FARP2: variants seen among roughly 807,000 people sequenced by gnomAD.
FARP2 encodes FERM, ARH/RhoGEF and pleckstrin domain protein 2.
A neutral mutation model predicts 130.5 loss-of-function variants in FARP2; 111 were observed. The observed-to-expected ratio is 0.85, with a 90% CI of 0.73 to 1.00. FARP2 has a LOEUF of 1.00. FARP2 is among the 50% of genes least tolerant of loss of function. The probability of loss-of-function intolerance (pLI) is 0.00; values close to 1 mark genes in which losing one functional copy is unlikely to be tolerated. For synonymous variants in FARP2, 504 were observed against 516.9 expected, an observed-to-expected ratio of 0.98 and a Z score of 0.34; for missense variants, 1,385 against 1,346.3, an observed-to-expected ratio of 1.03 and a Z score of -0.45.
At position 241,459,671 on chromosome 2, in the gene FARP2, C is replaced by CA. The variant is rs2063959891; in HGVS notation, c.1587+2749_1587+2750insA. 2.6e-5 allele frequency among the ~76,000 whole-genome samples: 4 copies of CA among 152,230 alleles called. No homozygotes were observed. The highest frequency in any genetic ancestry group is 6.5e-5 in the Admixed American group (1 of 15,286). ...ACAGGAATTGCATGCTCCTCTGGGC[C>CA]TATCCCTGGCCGCCGTCTCATCCCT... On this transcript the variant is annotated intron_variant, in intron 14 of 26. Transcript: ENST00000264042. The surrounding 1 kb of genome is among the most constrained non-coding windows in gnomAD (Gnocchi z 5.3).
At chr2:241,427,289 T>C (rs2062966915) in intron 8 of FARP2, among the ~76,000 whole-genome samples, 1 of 152,046 alleles carries the variant, frequency 6.6e-6, no homozygotes. Context: ...AAAATACAAA[T>C]TTAACACAGT....
chr2:241,435,888 A>T (rs1270668579), intron 11 of FARP2, among the ~76,000 whole-genome samples: 11 of 135,658 alleles, frequency 8.1e-5, no homozygotes, highest in African/African-American at 2.7e-4. Context: ...GCTTATATAT[A>T]TTTTTACATA....
intron 18 of FARP2, among the ~76,000 whole-genome samples, chr2:241,473,911 A>T (rs1326547313): frequency 6.6e-6 from 1 of 152,208 alleles, no homozygotes; most frequent in Non-Finnish European, 1.5e-5. Context: ...GAATTTTGTC[A>T]GTCAATTTTC....
Position 241,428,274 on chromosome 2 carries a change from G to A in FARP2, c.772-3405G>A, listed in dbSNP as rs552116004. Among the ~76,000 whole-genome samples, 6 of 131,674 alleles carry A rather than the reference G, an allele frequency of 4.6e-5. No homozygotes were observed. The South Asian group carries it at 6.9e-4, about 15-fold the overall frequency. 86.4% of individuals were successfully genotyped at this position (131,674 alleles called of 152,430 possible). On this transcript the variant is annotated intron_variant, in intron 8 of 26. Coordinates refer to ENST00000264042, the MANE Select transcript of FARP2 (RefSeq NM_014808.4). ...TTTTGAGACGGAGTCTCCCTTTGTC[G>A]TCCAGGCTGGAGTACAGTGGCGCAG... is the stretch of plus-strand genomic sequence containing the variant.
chr2:241,491,530 G>A lies in FARP2; in HGVS notation c.2638G>A (p.Val880Ile). Residue 880 changes from valine to isoleucine, a missense_variant, in exon 24 of 27, where the codon GTA becomes ATA. By Grantham distance (29) the Val-to-Ile change is conservative (BLOSUM62 3). Transcript: ENST00000264042. ...CTRPPRSPNE[V>I]SLEQESEDDA... The stretch of plus-strand genomic sequence containing the variant: ...CTTCTCCCCAGGATCCCCCAACGAG[G>A]TATCTCTGGAGCAGGAGTCAGAAGA... The A allele has an allele frequency of 6.2e-7, 1 of 1,613,572 alleles. No individual in the cohort carries two copies. The highest frequency in any genetic ancestry group is 1.1e-5 in the South Asian group (1 of 91,078).
intron 14 of FARP2, among the ~76,000 whole-genome samples, chr2:241,461,234 C>T (rs2064008223): frequency 6.6e-6 from 1 of 152,208 alleles, no homozygotes; most frequent in African/African-American, 2.4e-5. Flanking sequence ...CTTACCTCCA[C>T]ACCGGACCTT....
At chr2:241,462,014 G>A (rs1293149105) in intron 14 of FARP2, among the ~76,000 whole-genome samples, 2 of 152,210 alleles carry the variant, frequency 1.3e-5, no homozygotes, top group Non-Finnish European at 2.9e-5. Flanking sequence ...AGCCCTGCCA[G>A]CTATAGGATC....
intron 2 of FARP2, among the ~76,000 whole-genome samples, chr2:241,378,698 C>T (rs1180513350): frequency 6.6e-6 from 1 of 152,164 alleles, no homozygotes; most frequent in South Asian, 2.1e-4. Flanking sequence ...GTGTGAGCTA[C>T]CACACCTAGC....
rs193099961 is a variant in FARP2 at position 241,437,911 on chromosome 2, C to T, written c.1158+1373C>T. ...TGATCTCCTGACCTCATGATCTGCC[C>T]GCCTCGGCCTCCCAAAGTGCTGGGA... On this transcript the variant is annotated intron_variant, in intron 12 of 26. Transcript: ENST00000264042. Among the ~76,000 whole-genome samples, 831 of 152,030 alleles carry T rather than the reference C, an allele frequency of 5.5e-3. 6 individuals are homozygous for T. The highest frequency in any genetic ancestry group is 0.019 in the African/African-American group (781 of 41,504).
intron 13 of FARP2, among the ~76,000 whole-genome samples, chr2:241,448,592 C>G (rs2063570572): frequency 6.6e-6 from 1 of 152,230 alleles, no homozygotes; most frequent in Non-Finnish European, 1.5e-5. Context: ...AGCACCTTCA[C>G]TTATTCAAGA....
intron 14 of FARP2, among the ~76,000 whole-genome samples, chr2:241,457,877 G>T (rs886811): frequency 6.6e-6 from 1 of 151,504 alleles, no homozygotes; most frequent in Non-Finnish European, 1.5e-5. Context: ...GGGCGAGGGG[G>T]CGGTTCTCTG....
intron 7 of FARP2, among the ~76,000 whole-genome samples, chr2:241,416,818 A>T (rs1010506021): frequency 1.4e-4 from 22 of 152,154 alleles, no homozygotes; most frequent in Admixed American, 9.2e-4. Flanking sequence ...CTGAGGCGAA[A>T]GGATCGCTTG....
intron 13 of FARP2, 150 bp from the exon 14 acceptor site, chr2:241,456,597 T>C (rs1230150651): frequency 4.3e-6 from 3 of 694,600 alleles, no homozygotes; most frequent in Non-Finnish European, 7.6e-6. Flanking sequence ...GAATTGTGTG[T>C]GATAGAGGCT....
Position 241,493,309 on chromosome 2 carries a change from C to G in FARP2, c.2912C>G (p.Ala971Gly), listed in dbSNP as rs1269627783. The G allele has an allele frequency of 6.2e-7, 1 of 1,613,884 alleles. No homozygotes were observed. Among genetic ancestry groups the G allele is most frequent in the South Asian group, 1.1e-5 (1 of 91,084 alleles). Residue 971 changes from alanine (A) to glycine (G), a missense_variant, in exon 26 of 27, where the codon GCC becomes GGC. Physicochemically the swap from Ala to Gly is moderately conservative, Grantham distance 60. Transcript: ENST00000264042. ...YKTHQDDYPL[A>G]SLPLLGYSVS... ...GTCTTGCAGGATGACTACCCACTGG[C>G]CAGCCTCCCGCTGCTGGGCTACAGC...
intron 19 of FARP2, among the ~76,000 whole-genome samples, chr2:241,476,784 G>T (rs567193465): frequency 6.6e-6 from 1 of 152,138 alleles, no homozygotes; most frequent in East Asian, 1.9e-4. Flanking sequence ...GTGGGTTTTA[G>T]TATCTTCACA....
chr2:241,477,123 CT>C (rs71406462), intron 19 of FARP2, among the ~76,000 whole-genome samples: 1,625 of 122,590 alleles, frequency 0.013, 13 homozygotes, highest in South Asian at 0.027. Context: ...ATTCATGTTC[CT>C]TTTTTTTTTT....
intron 2 of FARP2, among the ~76,000 whole-genome samples, chr2:241,379,808 T>C (rs1004786017): frequency 3.9e-5 from 6 of 152,188 alleles, no homozygotes; most frequent in Non-Finnish European, 7.3e-5. Flanking sequence ...ATACAAAAGC[T>C]CTTATGTGTT....
chr2:241,487,642 G>A (rs916554024), intron 21 of FARP2, among the ~76,000 whole-genome samples: 1 of 146,080 alleles, frequency 6.8e-6, no homozygotes, highest in African/African-American at 2.6e-5. Flanking sequence ...ACTCCAGCCT[G>A]GGTGACAGAA....
At chr2:241,421,533 C>T (rs1559753885) in intron 8 of FARP2, among the ~76,000 whole-genome samples, 2 of 152,194 alleles carry the variant, frequency 1.3e-5, no homozygotes, top group Non-Finnish European at 2.9e-5. Context: ...TTGGTTGACT[C>T]AGCCATTTTA....
Sources: gnomAD v4.1 joint callset for allele counts (sites outside exome capture counted in the v4.1 genomes callset) on GRCh38, gnomAD v4.1.1 for gene constraint, Gnocchi (gnomAD v3.1) non-coding constraint, MANE v1.5 for transcripts, NCBI Gene and HGNC (gene_info 2026-07-23, HGNC 2026-07-21) for gene names.